Variants in KDM2B observed in about 807,000 individuals in gnomAD.
KDM2B encodes the protein lysine demethylase 2B.
KDM2B carries 26 observed loss-of-function variants against 150.0 expected under a neutral mutation model. The ratio of observed to expected loss-of-function variants is 0.17; its 90% CI spans 0.13 to 0.24. The LOEUF (loss-of-function observed/expected upper bound fraction) is 0.24. Ranked by LOEUF, KDM2B falls within the 10% of genes least tolerant of loss-of-function variation. The pLI is 1.00. For missense variants in KDM2B, 1,265 were observed against 1,816.9 expected (o/e 0.70, Z 5.52); for synonymous variants, 734 against 729.5 (o/e 1.01, Z -0.10).
chr12:121,579,889 TC>T, intron 1 of KDM2B: 1 of 1,452,966 alleles, frequency 6.9e-7, no homozygotes, highest in Non-Finnish European at 9.2e-7. Flanking sequence ...TATATTTTTT[TC>T]CCGGTCCTCT....
chr12:121,410,499 T>G, the KDM2B span, among the ~76,000 whole-genome samples: 3 of 150,122 alleles, frequency 2.0e-5, no homozygotes, highest in Non-Finnish European at 2.9e-5. Flanking sequence ...ATTGCGCCAC[T>G]GCATTCCATC....
intron 9 of KDM2B, among the ~76,000 whole-genome samples, chr12:121,515,765 TCTCCGCCTGCACACTGGGTGCTGGG>T (rs1263659338): frequency 5.9e-4 from 90 of 151,998 alleles, no homozygotes; most frequent in African/African-American, 2.2e-3. Flanking sequence ...GGGCCTCCTC[TCTCCGCCTGCACACTGGGTGCTGGG>T]CTCTGCCTGC....
In KDM2B at chr12:121,575,483, A is replaced by G. The variant is rs1400414026; in HGVS notation, c.350+298T>C. Among the ~76,000 whole-genome samples, 12 of 152,188 alleles carry G rather than the reference A, an allele frequency of 7.9e-5. No individual in the cohort carries two copies. The highest frequency in any genetic ancestry group is 2.9e-4 in the African/African-American group (12 of 41,442). ...CTGATCTGGAGCAAGGGGAAGGAGG[A>G]GAGGTACAATTCTCTGTAGGAGGTC... On this transcript the variant is annotated intron_variant, in intron 3 of 22. Transcript: ENST00000377071. The surrounding 1 kb of genome is among the most constrained non-coding windows in gnomAD (Gnocchi z 4.4).
intron 6 of KDM2B, among the ~76,000 whole-genome samples, chr12:121,541,434 GGAGGGAGGGAGGGAGGGAGA>G (rs1333604771): frequency 2.1e-5 from 3 of 145,258 alleles, no homozygotes; most frequent in Non-Finnish European, 4.5e-5. Flanking sequence ...ACGGAGGGAA[GGAGGGAGGGAGGGAGGGAGA>G]GAGGGAGGGA....
intron 9 of KDM2B, among the ~76,000 whole-genome samples, chr12:121,514,614 C>A (rs892412830): frequency 6.6e-6 from 1 of 151,662 alleles, no homozygotes; most frequent in Admixed American, 6.6e-5. Context: ...AGGGTGTCTG[C>A]GGGGACGAGA....
At chr12:121,413,434 C>A in the KDM2B span, among the ~76,000 whole-genome samples, 4 of 100,800 alleles carry the variant, frequency 4.0e-5, no homozygotes, top group African/African-American at 6.1e-5. Flanking sequence ...TTTTTTGAGA[C>A]GGAGTTTTGC....
At chr12:121,476,111 A>ATAG (rs1881339712) in intron 12 of KDM2B, among the ~76,000 whole-genome samples, 3 of 97,322 alleles carry the variant, frequency 3.1e-5, no homozygotes, top group African/African-American at 1.6e-4. Context: ...CCTGGCCAAC[A>ATAG]TGGTGAAACC....
intron 12 of KDM2B, among the ~76,000 whole-genome samples, chr12:121,459,637 C>A (rs1878812914): frequency 2.0e-5 from 3 of 152,166 alleles, no homozygotes; most frequent in Admixed American, 1.3e-4. Flanking sequence ...TGGAGACCAG[C>A]CTCACAAGCA....
At chr12:121,421,063 C>G in the KDM2B span, among the ~76,000 whole-genome samples, 1 of 152,012 alleles carries the variant, frequency 6.6e-6, no homozygotes, top group African/African-American at 2.4e-5. Context: ...TAATTAAATT[C>G]CTCGTCTCTG....
chr12:121,482,296 T>C (rs572196691), intron 12 of KDM2B, among the ~76,000 whole-genome samples: 18 of 152,236 alleles, frequency 1.2e-4, no homozygotes, highest in Non-Finnish European at 1.9e-4. Context: ...TTGTTTTTGT[T>C]CTTTTTGTTT....
chr12:121,565,436 C>G (rs1890630183), intron 4 of KDM2B, among the ~76,000 whole-genome samples: 1 of 151,570 alleles, frequency 6.6e-6, no homozygotes, highest in African/African-American at 2.4e-5. Context: ...CCTGCCTCAG[C>G]CTTCCCGAGT....
chr12:121,509,822 A>C lies in KDM2B; in HGVS notation c.1392T>G (p.Pro464=). The C allele has an allele frequency of 6.2e-7, 1 of 1,614,070 alleles. No homozygotes were observed. Among genetic ancestry groups the C allele is most frequent in the Non-Finnish European group, 8.5e-7 (1 of 1,180,020 alleles). The change falls in exon 11 of 23, where the codon CCT becomes CCG. Residue 464 remains proline, a synonymous_variant. Coordinates refer to ENST00000377071, the MANE Select transcript of KDM2B (RefSeq NM_032590.5). ...QEALGKKPKA[P]ALRFLKRTLS... ...AAGTCCTTTTGAGGAATCGCAGGGC[A>C]GGTGCTTTGGGCTTCTTCCCGAGGG...
At position 121,452,078 on chromosome 12, in the gene KDM2B, CT is replaced by C. The variant is rs1366990203; in HGVS notation, c.1959+1041del. ...GAAAGCCAATTACTGCATAATTCCA[CT>C]TCTATGAGGTCCCGAGAGGAGTCAA... On this transcript the variant is annotated intron_variant, in intron 13 of 22. Transcript: ENST00000377071. This position sits in a 1 kb window ranked among gnomAD's most constrained non-coding sequence, Gnocchi z 4.4. Among the ~76,000 whole-genome samples the C allele has an allele frequency of 2.6e-5, 4 of 152,124 alleles. No homozygotes were observed. Among genetic ancestry groups the C allele is most frequent in the Non-Finnish European group, 5.9e-5 (4 of 68,014 alleles).
chr12:121,439,642 C>T (rs1874632650), intron 22 of KDM2B, among the ~76,000 whole-genome samples: 1 of 152,106 alleles, frequency 6.6e-6, no homozygotes, highest in African/African-American at 2.4e-5. Flanking sequence ...GGCCTCCCAA[C>T]GTGCTGGGAT....
In KDM2B at chr12:121,444,192, G is replaced by C; in HGVS notation, c.2271C>G (p.Asn757Lys). The C allele has an allele frequency of 6.2e-7, 1 of 1,612,948 alleles. No individual in the cohort carries two copies. The highest frequency in any genetic ancestry group is 8.5e-7 in the Non-Finnish European group (1 of 1,180,022). Residue 757 changes from asparagine to lysine, a missense_variant, in exon 16 of 23, where the codon AAC becomes AAG. By Grantham distance (94) the Asn-to-Lys change is moderately conservative (BLOSUM62 0). Around this residue, in one of 11 missense-constraint regions of KDM2B, gnomAD observed 418 missense variants for 402.4 expected, o/e 1.04. Transcript: ENST00000377071. ...GCTTGGCAGGTTCCTGCCCTTCCTTGTTGTCCCGGTTCATCTTCTGCTCCT... is the reference window on the plus strand; with the variant it reads ...GCTTGGCAGGTTCCTGCCCTTCCTTCTTGTCCCGGTTCATCTTCTGCTCCT... ...LLKEQKMNRDNKEGQEPAKRR... is the reference protein window; with the variant it reads ...LLKEQKMNRDKKEGQEPAKRR...
chr12:121,465,530 G>A (rs1275010848), intron 12 of KDM2B, among the ~76,000 whole-genome samples: 1 of 152,208 alleles, frequency 6.6e-6, no homozygotes, highest in African/African-American at 2.4e-5. Context: ...CACCGCGCAC[G>A]GCCTACAGGT....
intron 12 of KDM2B, among the ~76,000 whole-genome samples, chr12:121,470,729 G>A (rs532625339): frequency 6.6e-6 from 1 of 150,522 alleles, no homozygotes; most frequent in South Asian, 2.1e-4. Context: ...GAGACGAGGA[G>A]GATGCCAAAT....
chr12:121,540,130 G>A (rs1566394708), intron 6 of KDM2B, among the ~76,000 whole-genome samples: 1 of 152,128 alleles, frequency 6.6e-6, no homozygotes, highest in African/African-American at 2.4e-5. Flanking sequence ...AGTAACCCAT[G>A]CCTCCCTTAT....
chr12:121,567,073 C>G (rs1433158078), intron 4 of KDM2B, among the ~76,000 whole-genome samples: 4 of 151,894 alleles, frequency 2.6e-5, no homozygotes, highest in Admixed American at 1.3e-4. Context: ...TTAGTAGAGA[C>G]GAGGTTTTAC....
Sources: gnomAD v4.1 joint callset for allele counts (sites outside exome capture counted in the v4.1 genomes callset) on GRCh38, gnomAD v4.1.1 for gene constraint, gnomAD v4.1.1 regional missense constraint, Gnocchi (gnomAD v3.1) non-coding constraint, MANE v1.5 for transcripts, NCBI Gene and HGNC (gene_info 2026-07-23, HGNC 2026-07-21) for gene names.